The following RAB11FIP5 variants were observed in gnomAD, a reference collection of about 807,000 sequenced individuals.
RAB11FIP5 encodes the protein RAB11 family interacting protein 5.
A neutral mutation model predicts 85.1 loss-of-function variants in RAB11FIP5; 48 were observed. That is an observed-to-expected ratio of 0.56 (90% CI 0.45 to 0.72). The LOEUF (loss-of-function observed/expected upper bound fraction) is 0.72. RAB11FIP5 is among the 30% of genes least tolerant of loss of function. RAB11FIP5 has a pLI of 0.00. For missense variants in RAB11FIP5, 1,491 were observed against 1,687.0 expected, an observed-to-expected ratio of 0.88 and a Z score of 2.04; for synonymous variants, 729 against 727.3, an observed-to-expected ratio of 1.00 and a Z score of -0.04.
At chr2:73,083,229 C>A (rs953898789) in intron 3 of RAB11FIP5, among the ~76,000 whole-genome samples, 1 of 152,216 alleles carries the variant, frequency 6.6e-6, no homozygotes, top group East Asian at 1.9e-4. Context: ...TGCCCGGATT[C>A]TCCCAGGAAC....
At chr2:73,093,865 A>G (rs1310837246) in intron 1 of RAB11FIP5, among the ~76,000 whole-genome samples, 1 of 152,250 alleles carries the variant, frequency 6.6e-6, no homozygotes, top group African/African-American at 2.4e-5. Flanking sequence ...TCATGCCTGC[A>G]ATCCCAGCAC....
chr2:73,088,160 CT>C lies in RAB11FIP5; in HGVS notation c.1457del (p.Lys486ArgfsTer27). ...ELGRRSSLGE[K>X]GGPILGASPH... ...GGGAGGCCCCCAGGATGGGACCCCCCTTTTCCCCCAGAGAGCTTCGGCGACC... is the reference window on the plus strand; with the variant it reads ...GGGAGGCCCCCAGGATGGGACCCCCCTTTCCCCCAGAGAGCTTCGGCGACC... On this transcript the variant is annotated frameshift_variant, in exon 3 of 6. Transcript: ENST00000486777. LOFTEE classifies it high-confidence loss of function. The C allele has an allele frequency of 1.9e-6, 3 of 1,614,076 alleles. No individual in the cohort carries two copies. The highest frequency in any genetic ancestry group is 2.5e-6 in the Non-Finnish European group (3 of 1,180,032).
At position 73,078,406 on chromosome 2, in the gene RAB11FIP5, C is replaced by T. The variant is rs1358456127; in HGVS notation, c.3581+1245G>A. Among the ~76,000 whole-genome samples the T allele has an allele frequency of 6.6e-6, 1 of 152,194 alleles. No individual in the cohort carries two copies. The highest frequency in any genetic ancestry group is 2.4e-5 in the African/African-American group (1 of 41,444). ...GTGGCAAGTATTATTAGAGGTCATG[C>T]TGGCAGACAGCAGGGCCAGCCGAGG... is the stretch of plus-strand genomic sequence containing the variant. On this transcript the variant is annotated intron_variant, in intron 4 of 5. Transcript: ENST00000486777. This position sits in a 1 kb window ranked among gnomAD's most constrained non-coding sequence, Gnocchi z 4.4.
rs1318518471 is a variant in RAB11FIP5, at chr2:73,088,951, C to T, written c.796G>A (p.Ala266Thr). 3.7e-6 allele frequency: 6 copies of T among 1,612,170 alleles called. No individual in the cohort carries two copies. Among genetic ancestry groups the T allele is most frequent in the Non-Finnish European group, 5.1e-6 (6 of 1,178,940 alleles). Residue 266 changes from alanine to threonine, a missense_variant, in exon 2 of 6, where the codon GCC becomes ACC. Ala to Thr is a moderately conservative substitution (Grantham distance 58). Coordinates refer to ENST00000486777, the MANE Select transcript of RAB11FIP5 (RefSeq NM_001371272.1). The stretch of plus-strand genomic sequence containing the variant: ...AGTTCGGCGCCAGGTCCCTGGTAGG[C>T]CAAGCTCCCGCTGGCTGAGGACAGG... ...STLSSASGSL[A>T]YQGPGAELLT... is the part of the protein sequence containing the mutation.
rs182110969 is a variant in RAB11FIP5, at chr2:73,101,747, G to A, written c.431+10600C>T. 1.7e-3 allele frequency among the ~76,000 whole-genome samples: 258 copies of A among 152,208 alleles called. 1 individual carries two copies. The highest frequency in any genetic ancestry group is 5.8e-3 in the African/African-American group (241 of 41,530). On this transcript the variant is annotated intron_variant, in intron 1 of 5. Coordinates refer to ENST00000486777, the MANE Select transcript of RAB11FIP5 (RefSeq NM_001371272.1). ...CACCTGTGAACTCATCAGCCCACCC[G>A]CTCACCACCGCACAGGGGCTGACAG...
Position 73,088,881 on chromosome 2 carries a change from C to G in RAB11FIP5, c.866G>C (p.Gly289Ala), listed in dbSNP as rs778556230. 1.3e-6 allele frequency: 2 copies of G among 1,570,934 alleles called. No homozygotes were observed. The highest frequency in any genetic ancestry group is 4.5e-5 in the East Asian group (2 of 44,534). The change falls in exon 2 of 6, where the codon GGG (glycine) becomes GCG (alanine). Residue 289 changes from glycine (G) to alanine (A), a missense_variant and splice_region_variant. Physicochemically the swap from Gly to Ala is moderately conservative, Grantham distance 60. Coordinates refer to ENST00000486777, the MANE Select transcript of RAB11FIP5 (RefSeq NM_001371272.1). Reference sequence around the variant, plus strand: ...GCGGCGGCCCTGTGCTTGCTCACCCCCTTCAGTGGACAGCCAGCTGCTACG... The same window carrying G: ...GCGGCGGCCCTGTGCTTGCTCACCCGCTTCAGTGGACAGCCAGCTGCTACG... ...PSRSSWLSTE[G>A]GRDSAQSPKL...
chr2:73,092,338 A>G (rs1056201914), intron 1 of RAB11FIP5, among the ~76,000 whole-genome samples: 4 of 152,216 alleles, frequency 2.6e-5, no homozygotes, highest in Non-Finnish European at 5.9e-5. Context: ...CACACTGCAC[A>G]CACCACAGCG....
At chr2:73,101,306 G>A (rs970582123) in intron 1 of RAB11FIP5, among the ~76,000 whole-genome samples, 2 of 151,902 alleles carry the variant, frequency 1.3e-5, no homozygotes, top group South Asian at 2.1e-4. Context: ...GGAGGGGCGG[G>A]AACTTCCAAA....
chr2:73,091,045 C>T (rs1296944472), intron 1 of RAB11FIP5, among the ~76,000 whole-genome samples: 1 of 151,968 alleles, frequency 6.6e-6, no homozygotes, highest in Non-Finnish European at 1.5e-5. Context: ...TAAAACTGCT[C>T]TGAAAAATAG....
In RAB11FIP5 at chr2:73,080,116, A is replaced by C; in HGVS notation, c.3116T>G (p.Val1039Gly). ...EAPEAQGQDPVGEGLGSLSAT... is the reference protein window; with the variant it reads ...EAPEAQGQDPGGEGLGSLSAT... ...TGACAAGGACCCAAGCCCCTCTCCTACTGGATCCTGGCCCTGGGCCTCAGG... is the reference window on the plus strand; with the variant it reads ...TGACAAGGACCCAAGCCCCTCTCCTCCTGGATCCTGGCCCTGGGCCTCAGG... Residue 1039 changes from valine to glycine, a missense_variant, in exon 4 of 6, where the codon GTA becomes GGA. By Grantham distance (109) the Val-to-Gly change is moderately radical. Around this residue, in one of 3 missense-constraint regions of RAB11FIP5, gnomAD observed 1,211 missense variants for 1,338.0 expected, o/e 0.91. Transcript: ENST00000486777. 1 of 1,232,150 alleles carries C rather than the reference A, an allele frequency of 8.1e-7. No homozygotes were observed. The highest frequency in any genetic ancestry group is 4.1e-5 in the South Asian group (1 of 24,316). 76.3% of individuals were successfully genotyped at this position (1,232,150 alleles called of 1,614,324 possible).
intron 1 of RAB11FIP5, among the ~76,000 whole-genome samples, chr2:73,099,058 T>C (rs1423355420): frequency 6.6e-6 from 1 of 150,512 alleles, no homozygotes; most frequent in East Asian, 1.9e-4. Context: ...TTTCTTTTTT[T>C]TTTTTTTTGA....
Position 73,075,936 on chromosome 2 carries a change from C to A in RAB11FIP5, c.3771+57G>T, listed in dbSNP as rs563201598. On this transcript the variant is annotated intron_variant, in intron 5 of 5. Transcript: ENST00000486777. The surrounding 1 kb of genome is among the most constrained non-coding windows in gnomAD (Gnocchi z 4.6). ...CTGCCCCACCCTCACCAGGACCAAG[C>A]CCTGAGACTCCACCACACATTCTGT... 817 of 1,563,772 alleles carry A rather than the reference C, an allele frequency of 5.2e-4. 5 individuals are homozygous for A. Among genetic ancestry groups the A allele is most frequent in the Admixed American group, 1.4e-3 (79 of 57,622 alleles).
chr2:73,095,893 C>G (rs563677364), intron 1 of RAB11FIP5, among the ~76,000 whole-genome samples: 2 of 152,306 alleles, frequency 1.3e-5, no homozygotes, highest in South Asian at 4.1e-4. Flanking sequence ...GAGCACAGAG[C>G]CCTGAGATGC....
In RAB11FIP5 at chr2:73,088,166, C is replaced by T. The variant is rs1208686427; in HGVS notation, c.1452G>A (p.Gly484=). 1.9e-6 allele frequency: 3 copies of T among 1,613,914 alleles called. No individual in the cohort carries two copies. In the South Asian group the frequency reaches 3.3e-5, roughly 18 times the overall value. ...CCCCCAGGATGGGACCCCCCTTTTC[C>T]CCCAGAGAGCTTCGGCGACCCAACT... ...RSELGRRSSL[G]EKGGPILGAS... is the part of the protein sequence containing the mutation. The change falls in exon 3 of 6, where the codon GGG becomes GGA. Residue 484 remains glycine (G), a synonymous_variant. Coordinates refer to ENST00000486777, the MANE Select transcript of RAB11FIP5 (RefSeq NM_001371272.1).
chr2:73,108,562 C>A (rs1037780229), intron 1 of RAB11FIP5, among the ~76,000 whole-genome samples: 17 of 152,216 alleles, frequency 1.1e-4, no homozygotes, highest in African/African-American at 3.6e-4. Flanking sequence ...TGCTTCCTTC[C>A]TTCCCTCTTC....
chr2:73,091,823 C>T (rs377248551), intron 1 of RAB11FIP5, among the ~76,000 whole-genome samples: 2 of 152,176 alleles, frequency 1.3e-5, no homozygotes, highest in Non-Finnish European at 2.9e-5. Context: ...GCCTGAGCGG[C>T]CTGAGCCTAG....
Position 73,088,141 on chromosome 2 carries a change from C to G in RAB11FIP5, c.1477G>C (p.Ala493Pro). ...LGEKGGPILG[A>P]SPHHSSSGEE... ...CCACTGGATGAGTGATGTGGGGAGG[C>G]CCCCAGGATGGGACCCCCCTTTTCC... Residue 493 changes from alanine to proline, a missense_variant, in exon 3 of 6, where the codon GCC becomes CCC. By Grantham distance (27) the Ala-to-Pro change is conservative. Transcript: ENST00000486777. 6.2e-7 allele frequency: 1 copy of G among 1,614,080 alleles called. No individual in the cohort carries two copies. The highest frequency in any genetic ancestry group is 8.5e-7 in the Non-Finnish European group (1 of 1,180,018).
intron 1 of RAB11FIP5, among the ~76,000 whole-genome samples, chr2:73,099,760 C>G (rs180710458): frequency 1.3e-5 from 2 of 152,314 alleles, no homozygotes; most frequent in East Asian, 3.9e-4. Context: ...ATCACAGTCC[C>G]CAGTTTCCCT....
At chr2:73,102,743 C>A (rs1211000359) in intron 1 of RAB11FIP5, among the ~76,000 whole-genome samples, 1 of 152,048 alleles carries the variant, frequency 6.6e-6, no homozygotes, top group Non-Finnish European at 1.5e-5. Context: ...TGGCAGGGCT[C>A]AGCTTTTGTC....
Sources: gnomAD v4.1 joint callset for allele counts (sites outside exome capture counted in the v4.1 genomes callset) on GRCh38, gnomAD v4.1.1 for gene constraint, gnomAD v4.1.1 regional missense constraint, Gnocchi (gnomAD v3.1) non-coding constraint, MANE v1.5 for transcripts, NCBI Gene and HGNC (gene_info 2026-07-23, HGNC 2026-07-21) for gene names.